Variants in CHL1 observed in about 807,000 individuals in gnomAD.
The protein encoded by CHL1 is neural cell adhesion molecule L1-like protein.
Under a neutral mutation model 141.9 loss-of-function variants are expected in CHL1, and 96 were observed. The ratio of observed to expected loss-of-function variants is 0.68; its 90% CI spans 0.57 to 0.80. CHL1 has a LOEUF of 0.80. Ranked by LOEUF, CHL1 falls within the 30% of genes least tolerant of loss-of-function variation. CHL1 has a pLI of 0.00. For missense variants in CHL1, 1,820 were observed against 1,457.2 expected (o/e 1.25, Z -4.05); for synonymous variants, 613 against 502.2 (o/e 1.22, Z -2.95).
intron 2 of CHL1, among the ~76,000 whole-genome samples, chr3:267,842 T>C (rs925753105): frequency 1.3e-5 from 2 of 152,186 alleles, no homozygotes; most frequent in African/African-American, 4.8e-5. Flanking sequence ...TTCCAAAATA[T>C]AAAGCAAATT....
At chr3:200,503 C>T (rs1698824375) in intron 1 of CHL1, among the ~76,000 whole-genome samples, 1 of 152,094 alleles carries the variant, frequency 6.6e-6, no homozygotes, top group Non-Finnish European at 1.5e-5. Flanking sequence ...CAATTATGAA[C>T]ATTTTGATTA....
At chr3:350,978 C>T (rs1157609866) in intron 10 of CHL1, among the ~76,000 whole-genome samples, 1 of 152,068 alleles carries the variant, frequency 6.6e-6, no homozygotes, top group Non-Finnish European at 1.5e-5. Context: ...GGGTATTTTT[C>T]TGTAACCCCC....
At chr3:288,689 A>G (rs1697391534) in intron 2 of CHL1, among the ~76,000 whole-genome samples, 1 of 152,172 alleles carries the variant, frequency 6.6e-6, no homozygotes, top group African/African-American at 2.4e-5. Flanking sequence ...GACGAATGGC[A>G]TGGGCGGGAT....
chr3:400,052 A>G (rs1708997340), intron 26 of CHL1, among the ~76,000 whole-genome samples: 1 of 152,222 alleles, frequency 6.6e-6, no homozygotes, highest in Admixed American at 6.5e-5. Context: ...TCAGATATAC[A>G]TATTGTATCA....
intron 12 of CHL1, among the ~76,000 whole-genome samples, chr3:360,914 C>T (rs76160452): frequency 2.0e-5 from 3 of 151,132 alleles, no homozygotes; most frequent in African/African-American, 7.3e-5. Flanking sequence ...CTACAAAGGA[C>T]ATGAACTCAT....
intron 14 of CHL1, 69 bp downstream of exon 14, chr3:363,452 T>G (rs1398395200): frequency 3.1e-5 from 42 of 1,375,996 alleles, no homozygotes; most frequent in Non-Finnish European, 4.2e-5. Flanking sequence ...TTTGCCCAAA[T>G]GGAATAATAC....
At chr3:272,322 T>C (rs73100333) in intron 2 of CHL1, among the ~76,000 whole-genome samples, 148 of 152,320 alleles carry the variant, frequency 9.7e-4, no homozygotes, top group African/African-American at 3.4e-3. Context: ...ATTCCTGTCA[T>C]TATGGTATAC....
At chr3:209,650 GGT>G (rs1699733824) in intron 1 of CHL1, among the ~76,000 whole-genome samples, 1 of 152,042 alleles carries the variant, frequency 6.6e-6, no homozygotes, top group South Asian at 2.1e-4. Context: ...GTGCCATGTT[GGT>G]GTGCTGCACC....
chr3:251,931 C>T (rs565079355), intron 2 of CHL1, among the ~76,000 whole-genome samples: 1 of 151,924 alleles, frequency 6.6e-6, no homozygotes, highest in South Asian at 2.1e-4. Context: ...TTTTTACAGT[C>T]CTGTTTAAAA....
chr3:314,788 CT>C (rs1419899840), intron 2 of CHL1, among the ~76,000 whole-genome samples: 5 of 151,950 alleles, frequency 3.3e-5, no homozygotes, highest in African/African-American at 4.8e-5. Flanking sequence ...TTCTTGAGGC[CT>C]AGACTAGAAT....
intron 2 of CHL1, among the ~76,000 whole-genome samples, chr3:259,912 C>T (rs1011416771): frequency 1.3e-5 from 2 of 152,118 alleles, no homozygotes; most frequent in African/African-American, 4.8e-5. Context: ...TTTAGCAAGA[C>T]TGAAAGTGCA....
chr3:329,404 G>A (rs17526472), intron 5 of CHL1, among the ~76,000 whole-genome samples: 4,794 of 152,008 alleles, frequency 0.032, 96 homozygotes, highest in Non-Finnish European at 0.048. Context: ...AGTTCAGAGA[G>A]GGCATTGTAT....
intron 2 of CHL1, chr3:282,824 G>A (rs1012151773): frequency 3.3e-5 from 5 of 152,210 alleles, no homozygotes; most frequent in African/African-American, 1.2e-4. Context: ...ATAGAAATGA[G>A]GAAGACTTGG....
At chr3:239,560 A>T (rs777331031) in intron 1 of CHL1, among the ~76,000 whole-genome samples, 1 of 150,242 alleles carries the variant, frequency 6.7e-6, no homozygotes, top group Non-Finnish European at 1.5e-5. Flanking sequence ...GCTTTAATGC[A>T]TTCATTCTTT....
chr3:338,078 A>T (rs554576802), intron 5 of CHL1, among the ~76,000 whole-genome samples: 1 of 152,070 alleles, frequency 6.6e-6, no homozygotes, highest in Non-Finnish European at 1.5e-5. Context: ...GTTAGCCAGG[A>T]TGGTCTCGAT....
chr3:318,968 A>G lies in CHL1; in HGVS notation c.-94-715A>G, dbSNP rs114206832. 2.5e-3 allele frequency among the ~76,000 whole-genome samples: 385 copies of G among 151,806 alleles called. 3 individuals carry two copies. The highest frequency in any genetic ancestry group is 8.8e-3 in the African/African-American group (363 of 41,464). On this transcript the variant is annotated intron_variant, in intron 2 of 27. Coordinates refer to ENST00000256509, the MANE Select transcript of CHL1 (RefSeq NM_006614.4). ...TCATCAGTCATATACACCATGGAAT[A>G]CTACACAGCCATATAAAGAACAAAA...
chr3:336,218 T>C (rs1229235090), intron 5 of CHL1, among the ~76,000 whole-genome samples: 1 of 152,310 alleles, frequency 6.6e-6, no homozygotes, highest in East Asian at 1.9e-4. Flanking sequence ...AAAGGCATTG[T>C]ACTTCTTTGT....
Position 382,201 on chromosome 3 carries a change from C to T in CHL1, c.1899C>T (p.Asn633=). The change falls in exon 17 of 28, where the codon AAC becomes AAT. Residue 633 remains asparagine (N), a synonymous_variant. Transcript: ENST00000256509. ...TAGATGTTCCGGATCCACCAGAAAA[C>T]CTTCACTTGTCTGAAAGACAGAACA... ...TVLDVPDPPE[N]LHLSERQNRS... is the part of the protein sequence containing the mutation. 1 of 1,613,484 alleles carries T rather than the reference C, an allele frequency of 6.2e-7. No individual in the cohort carries two copies. The highest frequency in any genetic ancestry group is 8.5e-7 in the Non-Finnish European group (1 of 1,179,630).
chr3:353,204 T>C (rs1243485802), intron 10 of CHL1, among the ~76,000 whole-genome samples: 1 of 152,236 alleles, frequency 6.6e-6, no homozygotes, highest in African/African-American at 2.4e-5. Context: ...AATATCATTA[T>C]TGCTTGATTT....
Sources: gnomAD v4.1 joint callset for allele counts (sites outside exome capture counted in the v4.1 genomes callset) on GRCh38, gnomAD v4.1.1 for gene constraint, MANE v1.5 for transcripts, NCBI Gene and HGNC (gene_info 2026-07-23, HGNC 2026-07-21) for gene names.